CALD1: variants seen among roughly 807,000 people sequenced by gnomAD.
CALD1 encodes caldesmon 1.
In CALD1, 33 loss-of-function variants were observed where a neutral mutation model predicts 99.9. That is an observed-to-expected ratio of 0.33 (90% CI 0.25 to 0.44). CALD1 has a LOEUF of 0.44. Ranked by LOEUF, CALD1 falls within the 20% of genes least tolerant of loss-of-function variation. CALD1 has a pLI of 1.00. For missense variants in CALD1, 861 were observed against 962.1 expected (o/e 0.89, Z 1.39); for synonymous variants, 310 against 325.0 (o/e 0.95, Z 0.50).
At chr7:134,849,079 A>G (rs1466291010) in intron 2 of CALD1, among the ~76,000 whole-genome samples, 2 of 152,306 alleles carry the variant, frequency 1.3e-5, no homozygotes, top group East Asian at 3.9e-4. Flanking sequence ...TGACGTGTTC[A>G]GTGACGTAAA....
At chr7:134,885,912 A>C (rs544561850) in intron 3 of CALD1, among the ~76,000 whole-genome samples, 2 of 152,120 alleles carry the variant, frequency 1.3e-5, no homozygotes, top group African/African-American at 4.8e-5. Context: ...CCATTCATTC[A>C]AGAAATTGTT....
At chr7:134,891,452 A>G in intron 3 of CALD1, 1 of 1,331,620 alleles carries the variant, frequency 7.5e-7, no homozygotes, top group East Asian at 2.7e-5. Flanking sequence ...CTTTCGTCAC[A>G]GGGACAGACC....
At chr7:134,797,191 C>G (rs920300057) in intron 1 of CALD1, among the ~76,000 whole-genome samples, 1 of 152,114 alleles carries the variant, frequency 6.6e-6, no homozygotes, top group African/African-American at 2.4e-5. Context: ...CATTATATTA[C>G]TCAAACTGGT....
intron 3 of CALD1, among the ~76,000 whole-genome samples, chr7:134,928,359 G>A (rs1013405855): frequency 6.6e-6 from 1 of 150,496 alleles, no homozygotes; most frequent in Non-Finnish European, 1.5e-5. Flanking sequence ...ATCCCAGGAG[G>A]TGGAGGTGGC....
the CALD1 span, among the ~76,000 whole-genome samples, chr7:134,734,196 A>G: frequency 6.6e-6 from 1 of 152,184 alleles, no homozygotes; most frequent in African/African-American, 2.4e-5. Context: ...GCTATCATCA[A>G]ATTAAAACAA....
intron 1 of CALD1, among the ~76,000 whole-genome samples, chr7:134,833,820 A>T (rs528906921): frequency 1.3e-5 from 2 of 152,286 alleles, no homozygotes; most frequent in East Asian, 3.9e-4. Flanking sequence ...AGCAACTCCC[A>T]TTTAATAACT....
At chr7:134,811,634 T>C (rs939028385) in intron 1 of CALD1, among the ~76,000 whole-genome samples, 3 of 152,212 alleles carry the variant, frequency 2.0e-5, no homozygotes, top group African/African-American at 7.2e-5. Flanking sequence ...AGATAGATGC[T>C]CTTAAATTAC....
At chr7:134,900,944 A>T (rs891626269) in intron 3 of CALD1, among the ~76,000 whole-genome samples, 2 of 152,074 alleles carry the variant, frequency 1.3e-5, no homozygotes, top group African/African-American at 4.8e-5. Flanking sequence ...TTATTAAAAC[A>T]TCCTTCTGCT....
intron 3 of CALD1, among the ~76,000 whole-genome samples, chr7:134,896,136 T>C (rs1260182489): frequency 2.6e-5 from 4 of 152,146 alleles, no homozygotes; most frequent in African/African-American, 9.7e-5. Flanking sequence ...CCCTAGCCAA[T>C]AGGGAACAAC....
At chr7:134,807,169 A>T (rs1289287652) in intron 1 of CALD1, among the ~76,000 whole-genome samples, 2 of 152,186 alleles carry the variant, frequency 1.3e-5, no homozygotes, top group African/African-American at 4.8e-5. Context: ...TTTAAATAGA[A>T]ATGAGTCTTG....
the CALD1 span, among the ~76,000 whole-genome samples, chr7:134,718,321 A>G: frequency 5.9e-5 from 9 of 152,302 alleles, no homozygotes; most frequent in East Asian, 1.5e-3. Context: ...CCACTCATCA[A>G]TCTTATGAAG....
the CALD1 span, among the ~76,000 whole-genome samples, chr7:134,712,869 C>A: frequency 2.0e-5 from 3 of 152,090 alleles, no homozygotes; most frequent in African/African-American, 2.4e-5. Context: ...AGAAGAAAGT[C>A]GTTAAAATCC....
At chr7:134,947,380 C>G in intron 7 of CALD1, 128 bp from the exon 8 acceptor site, 3 of 932,460 alleles carry the variant, frequency 3.2e-6, no homozygotes, top group South Asian at 1.7e-5. Flanking sequence ...CCCAGCCTAC[C>G]CCCTGGGCTA....
At chr7:134,914,995 G>A (rs755129308) in intron 3 of CALD1, among the ~76,000 whole-genome samples, 1 of 152,208 alleles carries the variant, frequency 6.6e-6, no homozygotes, top group Admixed American at 6.5e-5. Flanking sequence ...TGGAGTAAAT[G>A]TTCAATAAAT....
intron 3 of CALD1, among the ~76,000 whole-genome samples, chr7:134,885,275 T>A (rs911033590): frequency 6.6e-6 from 1 of 152,166 alleles, no homozygotes; most frequent in African/African-American, 2.4e-5. Context: ...CAAGTGCTGA[T>A]CCCAGTCAGA....
At chr7:134,941,978 C>G (rs182073096) in intron 7 of CALD1, among the ~76,000 whole-genome samples, 1 of 152,278 alleles carries the variant, frequency 6.6e-6, no homozygotes. Context: ...ACAGTCGAAT[C>G]CTGAGAGCTC....
At chr7:134,914,660 T>C (rs1425304268) in intron 3 of CALD1, among the ~76,000 whole-genome samples, 2 of 152,180 alleles carry the variant, frequency 1.3e-5, no homozygotes, top group African/African-American at 2.4e-5. Flanking sequence ...AATTGTGTGC[T>C]TTTCCATAAC....
intron 3 of CALD1, among the ~76,000 whole-genome samples, chr7:134,904,541 G>A (rs1803232715): frequency 6.6e-6 from 1 of 151,868 alleles, no homozygotes; most frequent in Admixed American, 6.6e-5. Flanking sequence ...CTCTGGCCTG[G>A]GTGACACAGT....
intron 3 of CALD1, among the ~76,000 whole-genome samples, chr7:134,905,898 GCATAAT>G (rs1264480340): frequency 6.7e-6 from 1 of 149,712 alleles, no homozygotes; most frequent in Non-Finnish European, 1.5e-5. Flanking sequence ...AAGAAACTCG[GCATAAT>G]TTTGGACCTC....
Sources: allele counts gnomAD v4.1 joint callset (sites outside exome capture counted in the v4.1 genomes callset), GRCh38; gene constraint gnomAD v4.1.1; transcripts MANE v1.5; gene names NCBI Gene and HGNC (gene_info 2026-07-23, HGNC 2026-07-21).